Variants in USH2A observed in about 807,000 individuals in gnomAD.
The protein encoded by USH2A is usherin, also known as Usher syndrome 2A (autosomal recessive, mild).
A neutral mutation model predicts 538.9 loss-of-function variants in USH2A; 443 were observed. The ratio of observed to expected loss-of-function variants is 0.82; its 90% CI spans 0.76 to 0.89. USH2A has a LOEUF of 0.89. USH2A is among the 40% of genes least tolerant of loss of function. USH2A has a pLI of 0.00. For synonymous variants in USH2A, 2,413 were observed against 2,273.5 expected, an observed-to-expected ratio of 1.06 and a Z score of -1.75; for missense variants, 6,633 against 6,324.8, an observed-to-expected ratio of 1.05 and a Z score of -1.65.
At chr1:216,021,630 A>G (rs775632558) in intron 32 of USH2A, among the ~76,000 whole-genome samples, 1 of 152,184 alleles carries the variant, frequency 6.6e-6, no homozygotes, top group Non-Finnish European at 1.5e-5. Context: ...CATGCCCTGC[A>G]GACTTCAGAT....
chr1:216,180,970 A>G (rs1219208571), intron 20 of USH2A, among the ~76,000 whole-genome samples: 1 of 152,128 alleles, frequency 6.6e-6, no homozygotes, highest in African/African-American at 2.4e-5. Flanking sequence ...TCAGCTGCTC[A>G]CCAATCAGTG....
At chr1:216,200,288 G>A (rs914102604) in intron 16 of USH2A, among the ~76,000 whole-genome samples, 167 bp from the exon 17 acceptor site, 79 of 152,058 alleles carry the variant, frequency 5.2e-4, no homozygotes, top group African/African-American at 1.8e-3. Context: ...TGTAAATACC[G>A]GTTGATTGCT....
At chr1:215,671,609 GA>G (rs1331473858) in intron 63 of USH2A, among the ~76,000 whole-genome samples, 1 of 152,092 alleles carries the variant, frequency 6.6e-6, no homozygotes, top group Non-Finnish European at 1.5e-5. Flanking sequence ...TGATCTGTTC[GA>G]AAGGGGTGAG....
intron 9 of USH2A, among the ~76,000 whole-genome samples, chr1:216,299,379 C>T (rs1297878801): frequency 6.6e-6 from 1 of 151,678 alleles, no homozygotes; most frequent in Non-Finnish European, 1.5e-5. Flanking sequence ...ATCCTCTATT[C>T]TAGATAAAGG....
At chr1:216,149,155 G>A (rs551895) in intron 21 of USH2A, among the ~76,000 whole-genome samples, 129,320 of 151,970 alleles carry the variant, frequency 0.85, 55,090 homozygotes, top group East Asian at 0.98. Context: ...CAAACAACTT[G>A]ACCTTACTGT....
At chr1:216,360,355 G>A (rs1222000892) in intron 4 of USH2A, among the ~76,000 whole-genome samples, 1 of 152,034 alleles carries the variant, frequency 6.6e-6, no homozygotes. Context: ...TAGAAAAGGT[G>A]AAAATACAGA....
At chr1:216,104,623 GA>G (rs1171081510) in intron 21 of USH2A, among the ~76,000 whole-genome samples, 5 of 152,156 alleles carry the variant, frequency 3.3e-5, no homozygotes, top group Non-Finnish European at 5.9e-5. Flanking sequence ...GCCATATGTA[GA>G]AAGCTGAAAC....
At chr1:215,968,795 A>T (rs1288813732) in intron 36 of USH2A, among the ~76,000 whole-genome samples, 1 of 152,182 alleles carries the variant, frequency 6.6e-6, no homozygotes, top group Non-Finnish European at 1.5e-5. Context: ...TTTTTATTTA[A>T]AATGTCATAG....
At chr1:215,865,439 G>A (rs1664443972) in intron 44 of USH2A, among the ~76,000 whole-genome samples, 1 of 152,076 alleles carries the variant, frequency 6.6e-6, no homozygotes, top group Non-Finnish European at 1.5e-5. Context: ...TAACATAAAG[G>A]ACCTATATTG....
intron 37 of USH2A, among the ~76,000 whole-genome samples, chr1:215,935,449 C>T (rs1420580762): frequency 6.6e-6 from 1 of 151,906 alleles, no homozygotes; most frequent in Non-Finnish European, 1.5e-5. Flanking sequence ...ATATTTTTAG[C>T]TTTATGAGAA....
chr1:216,419,467 G>T (rs1459814353), intron 2 of USH2A, among the ~76,000 whole-genome samples: 1 of 152,002 alleles, frequency 6.6e-6, no homozygotes, highest in African/African-American at 2.4e-5. Context: ...AGACCTTGAG[G>T]TCTCTTCTTC....
intron 65 of USH2A, 67 bp downstream of exon 65, chr1:215,650,525 A>C: frequency 6.3e-7 from 1 of 1,591,832 alleles, no homozygotes; most frequent in Non-Finnish European, 8.6e-7. Context: ...AAAACATAAA[A>C]ACAAAGGTTT....
At chr1:216,147,375 C>G (rs2033731120) in intron 21 of USH2A, among the ~76,000 whole-genome samples, 3 of 152,122 alleles carry the variant, frequency 2.0e-5, no homozygotes, top group Admixed American at 1.3e-4. Flanking sequence ...CAGCAATTTA[C>G]TCTTAAAAAG....
intron 22 of USH2A, among the ~76,000 whole-genome samples, chr1:216,095,581 G>A (rs12142012): frequency 0.23 from 34,655 of 151,976 alleles, 4,452 homozygotes; most frequent in Non-Finnish European, 0.29. Context: ...GCATTACTAG[G>A]GGACGCTCAG....
chr1:216,010,017 T>A (rs1309476809), intron 32 of USH2A, among the ~76,000 whole-genome samples: 1 of 152,136 alleles, frequency 6.6e-6, no homozygotes, highest in Non-Finnish European at 1.5e-5. Flanking sequence ...CAAAAGGCTG[T>A]CTTATACTCA....
Position 215,922,796 on chromosome 1 carries a change from C to T in USH2A, c.7300+11820G>A, listed in dbSNP as rs114229911. ...TAGATACTGCTGATCTAATTCACATCTGCCATTTTAGAGATAAGAGACCAA... is the reference window on the plus strand; with the variant it reads ...TAGATACTGCTGATCTAATTCACATTTGCCATTTTAGAGATAAGAGACCAA... On this transcript the variant is annotated intron_variant, in intron 38 of 71. Transcript: ENST00000307340. 7.5e-3 allele frequency among the ~76,000 whole-genome samples: 1,141 copies of T among 152,188 alleles called. 10 individuals are homozygous for T. The highest frequency in any genetic ancestry group is 0.026 in the African/African-American group (1,069 of 41,546).
chr1:216,190,313 G>T lies in USH2A; in HGVS notation c.4306C>A (p.Pro1436Thr). 1 of 1,612,338 alleles carries T rather than the reference G, an allele frequency of 6.2e-7. No individual in the cohort carries two copies. The highest frequency in any genetic ancestry group is 8.5e-7 in the Non-Finnish European group (1 of 1,178,992). The change falls in exon 20 of 72, where the codon CCT becomes ACT. Residue 1436 changes from proline (P) to threonine (T), a missense_variant. Coordinates refer to ENST00000307340, the MANE Select transcript of USH2A (RefSeq NM_206933.4). The part of the protein sequence containing the change: ...ELSYTVEGLK[P>T]YRIYEFTITL... ...ATAGTAAACTCATATATCCTATAAG[G>T]TTTCAGTCCTTCTACAGTGTAAGAT...
At chr1:216,009,678 C>G (rs1481443789) in intron 32 of USH2A, among the ~76,000 whole-genome samples, 1 of 152,032 alleles carries the variant, frequency 6.6e-6, no homozygotes, top group African/African-American at 2.4e-5. Flanking sequence ...CTCCCCTCCT[C>G]CCCAGACTGC....
At chr1:215,696,987 T>G (rs1340371988) in intron 61 of USH2A, among the ~76,000 whole-genome samples, 2 of 152,082 alleles carry the variant, frequency 1.3e-5, no homozygotes, top group Non-Finnish European at 2.9e-5. Context: ...GGGTCTTACT[T>G]TGACACTCAG....
Sources: allele counts gnomAD v4.1 joint callset (sites outside exome capture counted in the v4.1 genomes callset), GRCh38; gene constraint gnomAD v4.1.1; transcripts MANE v1.5; gene names NCBI Gene and HGNC (gene_info 2026-07-23, HGNC 2026-07-21).